BICDL1: variants seen among roughly 807,000 people sequenced by gnomAD.
BICDL1 encodes the protein BICD family like cargo adaptor 1.
In BICDL1, 20 loss-of-function variants were observed where a neutral mutation model predicts 76.8. That is an observed-to-expected ratio of 0.26 (90% CI 0.18 to 0.38). The LOEUF (loss-of-function observed/expected upper bound fraction) is 0.38, where lower values mean the gene tolerates loss of function less well. BICDL1 is among the 10% of genes least tolerant of loss of function. The probability of loss-of-function intolerance (pLI) is 1.00; values close to 1 mark genes in which losing one functional copy is unlikely to be tolerated. For synonymous variants in BICDL1, 383 were observed against 337.1 expected, an observed-to-expected ratio of 1.14 and a Z score of -1.49; for missense variants, 700 against 798.6, an observed-to-expected ratio of 0.88 and a Z score of 1.49.
At chr12:120,049,237 T>C (rs1952807966) in intron 2 of BICDL1, among the ~76,000 whole-genome samples, 1 of 152,128 alleles carries the variant, frequency 6.6e-6, no homozygotes, top group Admixed American at 6.5e-5. Context: ...GAGTTAGTCC[T>C]GTGAAAAATA....
At chr12:120,030,973 T>C (rs1326803889) in intron 2 of BICDL1, among the ~76,000 whole-genome samples, 1 of 152,198 alleles carries the variant, frequency 6.6e-6, no homozygotes, top group African/African-American at 2.4e-5. Flanking sequence ...TTTCTAGATA[T>C]GAGTTTAGAA....
At chr12:120,056,580 G>A (rs1164725563) in intron 2 of BICDL1, among the ~76,000 whole-genome samples, 4 of 152,152 alleles carry the variant, frequency 2.6e-5, no homozygotes, top group South Asian at 2.1e-4. Context: ...TTAGCTGGGC[G>A]TGGTAGTGCG....
intron 7 of BICDL1, among the ~76,000 whole-genome samples, chr12:120,078,112 C>T (rs1457276319): frequency 6.6e-6 from 1 of 152,220 alleles, no homozygotes; most frequent in Non-Finnish European, 1.5e-5. Context: ...CTCATATCTC[C>T]ATGCTATTCA....
chr12:120,041,565 A>C (rs1283739345), intron 2 of BICDL1, among the ~76,000 whole-genome samples: 1 of 152,168 alleles, frequency 6.6e-6, no homozygotes, highest in Non-Finnish European at 1.5e-5. Flanking sequence ...ACAAAGAACT[A>C]TCTGTCGGGT....
At chr12:119,999,913 G>A (rs1389191041) in intron 2 of BICDL1, 1 of 315,944 alleles carries the variant, frequency 3.2e-6, no homozygotes, top group Non-Finnish European at 6.1e-6. Flanking sequence ...TGTCTGCATG[G>A]TTAGTGTTTG....
At chr12:120,073,915 TTTTG>T (rs1181861533) in intron 6 of BICDL1, among the ~76,000 whole-genome samples, 3 of 152,146 alleles carry the variant, frequency 2.0e-5, no homozygotes, top group Admixed American at 2.0e-4. Context: ...AATCTCTTTT[TTTTG>T]TTTGTTTTTT....
At chr12:119,998,391 T>C (rs767402170) in intron 1 of BICDL1, 130 bp from the exon 2 acceptor site, 51 of 658,594 alleles carry the variant, frequency 7.7e-5, no homozygotes, top group Non-Finnish European at 1.2e-4. Context: ...TTCGGCAACT[T>C]GTCCTATGTG....
At chr12:120,061,936 T>TA in intron 3 of BICDL1, 110 bp downstream of exon 3, 1 of 702,316 alleles carries the variant, frequency 1.4e-6, no homozygotes, top group Non-Finnish European at 2.5e-6. Flanking sequence ...GACATTTCTG[T>TA]GCGAAACTAA....
intron 2 of BICDL1, among the ~76,000 whole-genome samples, chr12:120,024,699 CT>C (rs931738709): frequency 7.0e-6 from 1 of 143,750 alleles, no homozygotes; most frequent in Non-Finnish European, 1.5e-5. Context: ...TTCTTTCTTT[CT>C]TTTTTTTAAC....
At chr12:120,041,245 A>G (rs753702684) in intron 2 of BICDL1, among the ~76,000 whole-genome samples, 6 of 152,206 alleles carry the variant, frequency 3.9e-5, no homozygotes, top group Non-Finnish European at 7.3e-5. Flanking sequence ...AGGGCCAAAA[A>G]TCAACATGAT....
chr12:120,072,700 C>G lies in BICDL1; in HGVS notation c.1279C>G (p.Gln427Glu). The G allele has an allele frequency of 6.2e-7, 1 of 1,613,610 alleles. No homozygotes were observed. The highest frequency in any genetic ancestry group is 8.5e-7 in the Non-Finnish European group (1 of 1,180,022). The change falls in exon 6 of 10, where the codon CAG (glutamine) becomes GAG (glutamate). Residue 427 changes from glutamine to glutamate, a missense_variant. Transcript: ENST00000548673. The part of the protein sequence containing the change: ...TALNELKRLI[Q>E]SIVDGMEPTG... ...CCTCAATGAGCTCAAGAGACTGATA[C>G]AGAGCATTGTGGATGGCATGGAGCC...
chr12:120,019,341 C>G (rs144106595), intron 2 of BICDL1: 1 of 151,788 alleles, frequency 6.6e-6, no homozygotes, highest in African/African-American at 2.4e-5. Context: ...TTCTTTTTAT[C>G]CTCTGACTCT....
intron 6 of BICDL1, among the ~76,000 whole-genome samples, chr12:120,074,134 C>T (rs1017737774): frequency 3.3e-5 from 5 of 152,054 alleles, no homozygotes; most frequent in East Asian, 3.9e-4. Context: ...AGGATGGTCT[C>T]GATCTCCTGA....
chr12:120,085,398 T>C (rs1874322822), intron 8 of BICDL1, among the ~76,000 whole-genome samples: 1 of 152,118 alleles, frequency 6.6e-6, no homozygotes, highest in South Asian at 2.1e-4. Flanking sequence ...AGTGAGGCCC[T>C]ATCTCAAAAA....
At chr12:120,027,027 CT>C (rs10606114) in intron 2 of BICDL1, among the ~76,000 whole-genome samples, 4,784 of 117,942 alleles carry the variant, frequency 0.041, 153 homozygotes, top group African/African-American at 0.13. Context: ...GATGTAATTT[CT>C]TTTTTTTTTT....
At chr12:120,038,441 GTGTT>G (rs554597743) in intron 2 of BICDL1, among the ~76,000 whole-genome samples, 66 of 152,000 alleles carry the variant, frequency 4.3e-4, no homozygotes, top group Admixed American at 6.6e-4. Flanking sequence ...CTTTATATAA[GTGTT>G]TGTATTTTTT....
chr12:120,065,418 T>A (rs980436983), intron 4 of BICDL1, among the ~76,000 whole-genome samples: 1 of 152,232 alleles, frequency 6.6e-6, no homozygotes, highest in Non-Finnish European at 1.5e-5. Context: ...CTTTTTTTCT[T>A]TCTGAAGGAA....
intron 7 of BICDL1, among the ~76,000 whole-genome samples, chr12:120,078,715 G>A (rs1238080242): frequency 2.0e-5 from 3 of 152,246 alleles, no homozygotes; most frequent in Non-Finnish European, 4.4e-5. Context: ...CTGGTAGGCT[G>A]TAACTCGACC....
chr12:120,063,028 G>A (rs1189849629), intron 3 of BICDL1, among the ~76,000 whole-genome samples: 1 of 152,146 alleles, frequency 6.6e-6, no homozygotes, highest in Non-Finnish European at 1.5e-5. Flanking sequence ...CTTTGTCCAT[G>A]AACACTGCTA....
Sources: allele counts gnomAD v4.1 joint callset (sites outside exome capture counted in the v4.1 genomes callset), GRCh38; gene constraint gnomAD v4.1.1; transcripts MANE v1.5; gene names NCBI Gene and HGNC (gene_info 2026-07-23, HGNC 2026-07-21).